FNDC5: variants seen among roughly 807,000 people sequenced by gnomAD.
FNDC5 encodes the protein fibronectin type III domain containing 5.
FNDC5 carries 10 observed loss-of-function variants against 24.6 expected under a neutral mutation model. The observed-to-expected ratio is 0.41, with a 90% confidence interval of 0.25 to 0.69. The LOEUF (loss-of-function observed/expected upper bound fraction) is 0.69, where lower values mean the gene tolerates loss of function less well. Among genes scored for constraint, FNDC5 ranks in the 30% least tolerant of loss-of-function variants. The pLI is 0.34. For missense variants in FNDC5, 226 were observed against 282.9 expected (o/e 0.80, Z 1.44); for synonymous variants, 90 against 110.7 (o/e 0.81, Z 1.18).
chr1:32,867,552 A>G (rs1365409422), intron 4 of FNDC5, among the ~76,000 whole-genome samples: 2 of 152,188 alleles, frequency 1.3e-5, no homozygotes, highest in African/African-American at 4.8e-5. Context: ...GCAGCTAACA[A>G]TATGCTGGTT....
At chr1:32,864,405 C>G in intron 5 of FNDC5, 106 bp from the exon 6 acceptor site, 1 of 1,535,708 alleles carries the variant, frequency 6.5e-7, no homozygotes, top group Admixed American at 2.2e-5. Flanking sequence ...CCTATTGTCC[C>G]GCGCCAACCA....
chr1:32,867,981 T>C (rs1641105249), intron 3 of FNDC5, 139 bp from the exon 4 acceptor site: 7 of 1,034,720 alleles, frequency 6.8e-6, no homozygotes, highest in Non-Finnish European at 1.0e-5. Context: ...TGATGGCTAC[T>C]TGGGGTGGCA....
At chr1:32,865,591 A>G (rs1362767342) in intron 4 of FNDC5, among the ~76,000 whole-genome samples, 1 of 152,034 alleles carries the variant, frequency 6.6e-6, no homozygotes, top group African/African-American at 2.4e-5. Flanking sequence ...CAGAGGTTGC[A>G]GTGAGCTGAG....
At position 32,864,727 on chromosome 1, in the gene FNDC5, T is replaced by G. The variant is rs1408567559; in HGVS notation, c.570A>C (p.Lys190Asn). The change falls in exon 5 of 6, where the codon AAA becomes AAC. Residue 190 changes from lysine to asparagine, a missense_variant. Lys to Asn is a moderately conservative substitution (Grantham distance 94, BLOSUM62 0). Coordinates refer to ENST00000373471, the MANE Select transcript of FNDC5 (RefSeq NM_153756.3). ...TGCTGGTTTCTGATGCACTCTTGGT[T>G]TTTTCCTTGTTGTTATTGGGTTCAT... The G allele has an allele frequency of 6.2e-7, 1 of 1,613,940 alleles. No individual in the cohort carries two copies.
In FNDC5 at chr1:32,864,268, G is replaced by A. The variant is rs952389523; in HGVS notation, c.*26C>T. ...TTCTCTACTGTCTGTCTTCTTAGCTGCTGAGGGCAAGCACTGAAAAGGTTT... is the reference window on the plus strand; with the variant it reads ...TTCTCTACTGTCTGTCTTCTTAGCTACTGAGGGCAAGCACTGAAAAGGTTT... On this transcript the variant is annotated 3_prime_UTR_variant, in exon 6 of 6. Coordinates refer to ENST00000373471, the MANE Select transcript of FNDC5 (RefSeq NM_153756.3). 6.2e-7 allele frequency: 1 copy of A among 1,614,082 alleles called. No homozygotes were observed. The highest frequency in any genetic ancestry group is 8.5e-7 in the Non-Finnish European group (1 of 1,180,044).
In FNDC5 at chr1:32,863,411, T is replaced by G; in HGVS notation, c.*883A>C. The G allele has an allele frequency of 3.8e-6, 1 of 265,170 alleles. No individual in the cohort carries two copies. Among genetic ancestry groups the G allele is most frequent in the Non-Finnish European group, 7.6e-6 (1 of 131,452 alleles). The allele number at this position is 265,170 out of a possible 1,614,324, so 16.4% of individuals were successfully genotyped here. ...GAAAGACACAGCTTGAGTCAGTCCT[T>G]GTGCTTGTCATCTCCCAGGGCTTTG... On this transcript the variant is annotated 3_prime_UTR_variant, in exon 6 of 6. Transcript: ENST00000373471.
At chr1:32,865,070 T>A (rs1641044669) in intron 4 of FNDC5, among the ~76,000 whole-genome samples, 1 of 152,092 alleles carries the variant, frequency 6.6e-6, no homozygotes. Context: ...GCACGGTGGC[T>A]CACGCCTGTT....
In FNDC5 at chr1:32,863,996, A is replaced by T; in HGVS notation, c.*298T>A. The T allele has an allele frequency of 1.5e-6, 2 of 1,347,196 alleles. No individual in the cohort carries two copies. The highest frequency in any genetic ancestry group is 3.0e-5 in the South Asian group (2 of 66,434). The allele number at this position is 1,347,196 out of a possible 1,614,324, so 83.5% of individuals were successfully genotyped here. On this transcript the variant is annotated 3_prime_UTR_variant, in exon 6 of 6. Transcript: ENST00000373471. ...TTCAGCCTCACTCAACTGAATGGCC[A>T]AGACTGGGTCCTGGGCCCATGGCCC...
Position 32,864,678 on chromosome 1 carries a change from G to GC in FNDC5, c.618dup (p.Leu207AlafsTer18), listed in dbSNP as rs1641036070. ...CTTGCCCTCACCTTGCTGCGGAGAA[G>GC]CCCCCCGCCCTGGTGCTCTGGTGTG... On this transcript the variant is annotated frameshift_variant, in exon 5 of 6. Transcript: ENST00000373471. LOFTEE classifies it high-confidence loss of function. 6.2e-7 allele frequency: 1 copy of GC among 1,614,070 alleles called. No individual in the cohort carries two copies. Among genetic ancestry groups the GC allele is most frequent in the Non-Finnish European group, 8.5e-7 (1 of 1,180,022 alleles).
upstream of FNDC5, among the ~76,000 whole-genome samples, chr1:32,871,450 C>T (rs1641183218): frequency 6.6e-6 from 1 of 152,224 alleles, no homozygotes; most frequent in African/African-American, 2.4e-5. Flanking sequence ...GAGTCCAGCT[C>T]TGTGACCCCA....
chr1:32,868,062 C>A lies in FNDC5; in HGVS notation c.409+128G>T. ...TCAGGGACTAGCGTGAACCCTCTCT[C>A]AGGTACTGCTTTACTTGCCAGCAGG... On this transcript the variant is annotated intron_variant, in intron 3 of 5. Coordinates refer to ENST00000373471, the MANE Select transcript of FNDC5 (RefSeq NM_153756.3). The surrounding 1 kb of genome is among the most constrained non-coding windows in gnomAD (Gnocchi z 4.8). 8.4e-7 allele frequency: 1 copy of A among 1,190,014 alleles called. No individual in the cohort carries two copies. Among genetic ancestry groups the A allele is most frequent in the African/African-American group, 1.5e-5 (1 of 66,646 alleles). 73.7% of individuals were successfully genotyped at this position (1,190,014 alleles called of 1,614,324 possible).
chr1:32,871,616 G>A (rs1156723191), upstream of FNDC5, among the ~76,000 whole-genome samples: 2 of 152,216 alleles, frequency 1.3e-5, no homozygotes, highest in African/African-American at 4.8e-5. Context: ...CACAGGAGGA[G>A]CCTGCAGCTT....
At chr1:32,865,818 C>T (rs1641061001) in intron 4 of FNDC5, among the ~76,000 whole-genome samples, 1 of 152,142 alleles carries the variant, frequency 6.6e-6, no homozygotes, top group Non-Finnish European at 1.5e-5. Flanking sequence ...TTATAATTCC[C>T]AGGGTACAAG....
At position 32,867,066 on chromosome 1, in the gene FNDC5, GGTCTCAAAAAACAAAACCTTT is replaced by G. The variant is rs547629306; in HGVS notation, c.499+666_499+686del. Among the ~76,000 whole-genome samples the G allele has an allele frequency of 2.9e-4, 44 of 151,978 alleles. No individual in the cohort carries two copies. The South Asian group carries it at 2.9e-3, about 10-fold the overall frequency. On this transcript the variant is annotated intron_variant, in intron 4 of 5. Coordinates refer to ENST00000373471, the MANE Select transcript of FNDC5 (RefSeq NM_153756.3). The stretch of plus-strand genomic sequence containing the variant: ...GATTGCACCACTGCACTCCAACCTG[GGTCTCAAAAAACAAAACCTTT>G]GTCTCAAAAAACAAAACAAACAAAA...
chr1:32,864,193 G>A lies in FNDC5; in HGVS notation c.*101C>T. 6.2e-7 allele frequency: 1 copy of A among 1,611,296 alleles called. No homozygotes were observed. Among genetic ancestry groups the A allele is most frequent in the Non-Finnish European group, 8.5e-7 (1 of 1,178,468 alleles). On this transcript the variant is annotated 3_prime_UTR_variant, in exon 6 of 6. Coordinates refer to ENST00000373471, the MANE Select transcript of FNDC5 (RefSeq NM_153756.3). ...GATGGAGGGAAGAGATGTAGAGAGG[G>A]CCAGATGTTTGTTGGATAATCATCA... is the stretch of plus-strand genomic sequence containing the variant.
chr1:32,870,559 C>T (rs1364659553), intron 1 of FNDC5, 94 bp downstream of exon 1: 4 of 739,816 alleles, frequency 5.4e-6, no homozygotes, highest in Non-Finnish European at 5.3e-6. Context: ...GACAGGAGTC[C>T]CTAGGGGGCA....
At chr1:32,871,550 CATT>C (rs1017169986), upstream of FNDC5, among the ~76,000 whole-genome samples, 92 of 152,314 alleles carry the variant, frequency 6.0e-4, no homozygotes, top group Admixed American at 2.1e-3. Flanking sequence ...GCTTTCTTTG[CATT>C]ATGTGGCTTA....
rs1641003708 is a variant in FNDC5 at position 32,863,614 on chromosome 1, AAG to A, written c.*678_*679del. The A allele has an allele frequency of 6.2e-6, 6 of 975,444 alleles. No individual in the cohort carries two copies. The highest frequency in any genetic ancestry group is 8.6e-6 in the Non-Finnish European group (6 of 694,800). The allele number at this position is 975,444 out of a possible 1,614,324, so 60.4% of individuals were successfully genotyped here. On this transcript the variant is annotated 3_prime_UTR_variant, in exon 6 of 6. Coordinates refer to ENST00000373471, the MANE Select transcript of FNDC5 (RefSeq NM_153756.3). ...TCCTTCATCTGACTAGGACAAGGAG[AAG>A]AGAGAACTGTGCAGCTAGCTGTGCC...
intron 5 of FNDC5, 157 bp from the exon 6 acceptor site, chr1:32,864,456 C>A: frequency 7.0e-7 from 1 of 1,426,842 alleles, no homozygotes; most frequent in Non-Finnish European, 9.2e-7. Flanking sequence ...TTTTTTTTTT[C>A]TTCAAATCAC....
Sources: gnomAD v4.1 joint callset for allele counts (sites outside exome capture counted in the v4.1 genomes callset) on GRCh38, gnomAD v4.1.1 for gene constraint, Gnocchi (gnomAD v3.1) non-coding constraint, MANE v1.5 for transcripts, NCBI Gene and HGNC (gene_info 2026-07-23, HGNC 2026-07-21) for gene names.